UNC13C: variants seen among roughly 807,000 people sequenced by gnomAD.
UNC13C encodes protein unc-13 homolog C.
A neutral mutation model predicts 245.4 loss-of-function variants in UNC13C; 174 were observed. The ratio of observed to expected loss-of-function variants is 0.71; its 90% confidence interval spans 0.63 to 0.80. UNC13C has a LOEUF of 0.80. Ranked by LOEUF, UNC13C falls within the 30% of genes least tolerant of loss-of-function variation. The pLI is 0.00. For synonymous variants in UNC13C, 992 were observed against 895.1 expected (o/e 1.11, Z -1.93); for missense variants, 2,829 against 2,602.9 (o/e 1.09, Z -1.89).
the UNC13C span, among the ~76,000 whole-genome samples, chr15:53,963,957 C>G: frequency 3.9e-5 from 6 of 152,128 alleles, no homozygotes; most frequent in African/African-American, 1.4e-4. Flanking sequence ...TATTTTAGCA[C>G]CCAAGTTCTT....
the UNC13C span, among the ~76,000 whole-genome samples, chr15:53,876,707 T>C: frequency 6.6e-6 from 1 of 152,182 alleles, no homozygotes; most frequent in Non-Finnish European, 1.5e-5. Flanking sequence ...ACAAAGTGGG[T>C]ATAAACTGTT....
intron 22 of UNC13C, among the ~76,000 whole-genome samples, chr15:54,505,211 T>C (rs1023696126): frequency 1.3e-5 from 2 of 152,134 alleles, no homozygotes; most frequent in African/African-American, 4.8e-5. Flanking sequence ...AGACCAGTAG[T>C]TCCCCAAAGA....
At chr15:54,110,553 T>A (rs1348565960) in intron 2 of UNC13C, among the ~76,000 whole-genome samples, 1 of 152,224 alleles carries the variant, frequency 6.6e-6, no homozygotes, top group Non-Finnish European at 1.5e-5. Flanking sequence ...TTGTGGTTGT[T>A]GGTTTCAAAA....
chr15:54,044,371 G>T, intron 2 of UNC13C: 1 of 260,420 alleles, frequency 3.8e-6, no homozygotes, highest in Non-Finnish European at 8.0e-6. Context: ...TGGCTATTGT[G>T]AATGCGGCTA....
intron 2 of UNC13C, among the ~76,000 whole-genome samples, chr15:54,092,009 T>C (rs1304506636): frequency 6.6e-6 from 1 of 152,208 alleles, no homozygotes; most frequent in Admixed American, 6.5e-5. Flanking sequence ...TGGATTCAAA[T>C]TTACTACACC....
chr15:54,292,002 A>G (rs770460659), intron 10 of UNC13C, among the ~76,000 whole-genome samples: 1 of 151,996 alleles, frequency 6.6e-6, no homozygotes, highest in Non-Finnish European at 1.5e-5. Context: ...GAATGTGACC[A>G]TTTCAAATGC....
chr15:54,128,123 G>T (rs150806349), intron 2 of UNC13C, among the ~76,000 whole-genome samples: 3 of 152,132 alleles, frequency 2.0e-5, no homozygotes, highest in Middle Eastern at 3.4e-3. Flanking sequence ...CACCAACAAG[G>T]TCCAGGTTGA....
intron 1 of UNC13C, among the ~76,000 whole-genome samples, chr15:53,985,852 T>G (rs975854851): frequency 6.6e-6 from 1 of 152,028 alleles, no homozygotes; most frequent in Admixed American, 6.6e-5. Flanking sequence ...CCTCATTGGG[T>G]GTGTATCCCT....
chr15:54,307,879 A>G (rs1020164287), intron 13 of UNC13C, among the ~76,000 whole-genome samples: 1 of 152,012 alleles, frequency 6.6e-6, no homozygotes, highest in African/African-American at 2.4e-5. Flanking sequence ...TTTAGTGACG[A>G]GAATGAATAA....
intron 17 of UNC13C, among the ~76,000 whole-genome samples, chr15:54,354,818 C>T (rs79572629): frequency 0.012 from 1,807 of 152,254 alleles, 45 homozygotes; most frequent in African/African-American, 0.042. Flanking sequence ...GGAATAGTTA[C>T]TTGCTATGGT....
chr15:54,192,346 G>A (rs2034213262), intron 4 of UNC13C, among the ~76,000 whole-genome samples: 3 of 151,978 alleles, frequency 2.0e-5, no homozygotes, highest in Admixed American at 2.0e-4. Context: ...TTTTTTTAAA[G>A]GAGATGGGTT....
upstream of UNC13C, chr15:53,974,920 A>G (rs150048722): frequency 6.6e-6 from 1 of 152,350 alleles, no homozygotes; most frequent in Non-Finnish European, 1.5e-5. Flanking sequence ...GTCAGCTTCT[A>G]AAATGGCTCA....
At chr15:54,605,096 G>T (rs572909932) in intron 30 of UNC13C, among the ~76,000 whole-genome samples, 1 of 152,152 alleles carries the variant, frequency 6.6e-6, no homozygotes, top group Non-Finnish European at 1.5e-5. Flanking sequence ...TGCCTGAGAC[G>T]AGAAACAAGA....
At chr15:54,204,246 T>C (rs937302687) in intron 4 of UNC13C, among the ~76,000 whole-genome samples, 1 of 147,992 alleles carries the variant, frequency 6.8e-6, no homozygotes, top group Non-Finnish European at 1.5e-5. Flanking sequence ...AAAGAACTTA[T>C]TCATGTAACC....
the UNC13C span, among the ~76,000 whole-genome samples, chr15:53,841,301 C>A: frequency 3.3e-5 from 5 of 152,214 alleles, no homozygotes; most frequent in African/African-American, 1.2e-4. Context: ...TCTGCTTTCC[C>A]CCCTACCTTT....
chr15:54,000,690 A>C (rs1200401309), intron 1 of UNC13C, among the ~76,000 whole-genome samples: 1 of 152,118 alleles, frequency 6.6e-6, no homozygotes, highest in Non-Finnish European at 1.5e-5. Context: ...GAATTTATGG[A>C]CAGATAGAAT....
chr15:54,486,939 TA>T (rs1354511875), intron 19 of UNC13C, among the ~76,000 whole-genome samples: 1 of 152,226 alleles, frequency 6.6e-6, no homozygotes, highest in African/African-American at 2.4e-5. Flanking sequence ...GCTTTAGATC[TA>T]GACCAGAACT....
chr15:53,869,247 G>T, the UNC13C span, among the ~76,000 whole-genome samples: 1 of 152,220 alleles, frequency 6.6e-6, no homozygotes. Context: ...GCCACATGGG[G>T]AAAGCAAACC....
chr15:54,622,372 A>G lies in UNC13C; in HGVS notation c.6152A>G (p.Asp2051Gly), dbSNP rs1900850528. The change falls in exon 31 of 33, where the codon GAC becomes GGC. Residue 2051 changes from aspartate to glycine, a missense_variant. Asp to Gly is a moderately conservative substitution (Grantham distance 94). Transcript: ENST00000260323. ...DAVGQISVHV[D>G]ITATPGTGDH... ...GTGGGTCAGATATCTGTTCATGTGGACATCACTGCCACCCCAGGAACGGGA... is the reference window on the plus strand; with the variant it reads ...GTGGGTCAGATATCTGTTCATGTGGGCATCACTGCCACCCCAGGAACGGGA... 2 of 1,613,352 alleles carry G rather than the reference A, an allele frequency of 1.2e-6. No individual in the cohort carries two copies. The highest frequency in any genetic ancestry group is 2.7e-5 in the African/African-American group (2 of 74,992).
Sources: gnomAD v4.1 joint callset for allele counts (sites outside exome capture counted in the v4.1 genomes callset) on GRCh38, gnomAD v4.1.1 for gene constraint, MANE v1.5 for transcripts, NCBI Gene and HGNC (gene_info 2026-07-23, HGNC 2026-07-21) for gene names.